LAMA1: variants seen among roughly 807,000 people sequenced by gnomAD.
LAMA1 encodes laminin subunit alpha-1.
A neutral mutation model predicts 348.7 loss-of-function variants in LAMA1; 219 were observed. The ratio of observed to expected loss-of-function variants is 0.63; its 90% CI spans 0.56 to 0.70. The LOEUF is 0.70. LAMA1 is among the 30% of genes least tolerant of loss of function. The pLI is 0.00. For missense variants in LAMA1, 3,744 were observed against 3,888.0 expected (o/e 0.96, Z 0.99); for synonymous variants, 1,487 against 1,491.0 (o/e 1.00, Z 0.06).
intron 1 of LAMA1, among the ~76,000 whole-genome samples, chr18:7,097,269 A>AC (rs932988860): frequency 6.2e-5 from 3 of 48,048 alleles, no homozygotes; most frequent in African/African-American, 2.1e-4. Context: ...AAATACTTGA[A>AC]CAAAAAAAAT....
At chr18:6,953,556 C>T (rs561604395) in intron 57 of LAMA1, among the ~76,000 whole-genome samples, 21 of 152,292 alleles carry the variant, frequency 1.4e-4, no homozygotes, top group Non-Finnish European at 2.4e-4. Context: ...AACTACTCTA[C>T]AGGCACAGAC....
At chr18:7,067,146 A>G (rs2058126021) in intron 3 of LAMA1, among the ~76,000 whole-genome samples, 2 of 152,218 alleles carry the variant, frequency 1.3e-5, no homozygotes, top group African/African-American at 4.8e-5. Flanking sequence ...GACACAGGAT[A>G]TAAACAATGG....
chr18:7,083,869 G>C (rs532320328), intron 1 of LAMA1, among the ~76,000 whole-genome samples: 2 of 151,894 alleles, frequency 1.3e-5, no homozygotes, highest in Admixed American at 6.6e-5. Context: ...TCAGGAGTTC[G>C]AGACCAGCCT....
At chr18:6,993,546 C>T in intron 35 of LAMA1, 95 bp downstream of exon 35, 1 of 957,038 alleles carries the variant, frequency 1.0e-6, no homozygotes, top group Non-Finnish European at 1.7e-6. Context: ...AAACCCGATG[C>T]AAGAGATATA....
chr18:6,951,044 C>T (rs1442665344), intron 57 of LAMA1, 73 bp from the exon 58 acceptor site: 2 of 1,356,714 alleles, frequency 1.5e-6, no homozygotes, highest in Non-Finnish European at 2.0e-6. Context: ...AAAAGAGGAC[C>T]CAACAATTGT....
intron 1 of LAMA1, among the ~76,000 whole-genome samples, chr18:7,085,017 G>T (rs1482545140): frequency 1.3e-5 from 2 of 151,436 alleles, no homozygotes; most frequent in Non-Finnish European, 2.9e-5. Flanking sequence ...GAAGTATGAG[G>T]TTTTTTTTCC....
At chr18:7,035,910 C>T (rs2057992234) in intron 13 of LAMA1, 77 bp downstream of exon 13, 6 of 1,238,144 alleles carry the variant, frequency 4.8e-6, no homozygotes, top group Non-Finnish European at 7.1e-6. Flanking sequence ...GATGTCCTCA[C>T]CTAGTAACTT....
chr18:6,975,902 G>T (rs770504068), intron 45 of LAMA1, 35 bp downstream of exon 45: 3 of 1,613,164 alleles, frequency 1.9e-6, no homozygotes, highest in African/African-American at 2.7e-5. Context: ...GTGCATAAAA[G>T]ATTCAGTGTC....
chr18:7,060,681 A>C (rs981746872), intron 3 of LAMA1, among the ~76,000 whole-genome samples: 1 of 152,156 alleles, frequency 6.6e-6, no homozygotes, highest in African/African-American at 2.4e-5. Context: ...TTTAAAACGT[A>C]AATAGTAACC....
At chr18:7,107,783 G>A (rs1401113593) in intron 1 of LAMA1, among the ~76,000 whole-genome samples, 12 of 152,188 alleles carry the variant, frequency 7.9e-5, no homozygotes, top group African/African-American at 2.6e-4. Context: ...GGGAGGCTGA[G>A]GCGGGCAGAT....
intron 47 of LAMA1, 39 bp downstream of exon 47, chr18:6,973,014 ATCAG>A (rs1210916734): frequency 4.3e-6 from 7 of 1,610,922 alleles, no homozygotes; most frequent in African/African-American, 1.3e-5. Context: ...TATAGGTAAA[ATCAG>A]TCAATCAGTC....
intron 57 of LAMA1, 187 bp downstream of exon 57, chr18:6,955,166 G>A: frequency 1.6e-6 from 1 of 628,762 alleles, no homozygotes; most frequent in Non-Finnish European, 2.9e-6. Context: ...AGACTCCCCA[G>A]TGAACCACCA....
intron 1 of LAMA1, among the ~76,000 whole-genome samples, chr18:7,093,343 G>A (rs1297643843): frequency 2.0e-5 from 3 of 152,260 alleles, no homozygotes; most frequent in East Asian, 3.9e-4. Flanking sequence ...ATGAACCCGG[G>A]AGGTGGAGCT....
At chr18:7,069,520 T>C (rs2058137413) in intron 3 of LAMA1, among the ~76,000 whole-genome samples, 1 of 152,138 alleles carries the variant, frequency 6.6e-6, no homozygotes, top group East Asian at 1.9e-4. Flanking sequence ...TTTCCCAAGT[T>C]GAATCTCTGC....
chr18:6,944,422 G>C (rs1220038430), intron 61 of LAMA1, among the ~76,000 whole-genome samples: 1 of 152,200 alleles, frequency 6.6e-6, no homozygotes, highest in Non-Finnish European at 1.5e-5. Context: ...CTTTGCAAAG[G>C]ATAGGAGGTG....
chr18:7,008,396 T>A, intron 28 of LAMA1, 92 bp downstream of exon 28: 1 of 1,416,858 alleles, frequency 7.1e-7, no homozygotes, highest in Non-Finnish European at 9.8e-7. Flanking sequence ...ATATAGTAGA[T>A]ACACATAAGT....
At chr18:7,004,183 T>C (rs1245740739) in intron 29 of LAMA1, among the ~76,000 whole-genome samples, 1 of 152,090 alleles carries the variant, frequency 6.6e-6, no homozygotes, top group African/African-American at 2.4e-5. Flanking sequence ...GCTGAATTAG[T>C]TGCTATGGGA....
rs749542837 is a variant in LAMA1, at chr18:6,958,551, C to G, written c.7890G>C (p.Glu2630Asp). The G allele has an allele frequency of 6.2e-7, 1 of 1,614,184 alleles. No individual in the cohort carries two copies. The highest frequency in any genetic ancestry group is 1.1e-5 in the South Asian group (1 of 91,082). The change falls in exon 55 of 63, where the codon GAG becomes GAC. Residue 2630 changes from glutamate to aspartate, a missense_variant. Physicochemically the swap from Glu to Asp is conservative, Grantham distance 45. Transcript: ENST00000389658. ...VSNLYVGGIP[E>D]GEGTSLLTMR... Reference sequence around the variant, plus strand: ...TTGTGAGCAGTGACGTCCCCTCTCCCTCTGGAATTCCCCCGACGTACAGAT... The same window carrying G: ...TTGTGAGCAGTGACGTCCCCTCTCCGTCTGGAATTCCCCCGACGTACAGAT...
intron 58 of LAMA1, among the ~76,000 whole-genome samples, 157 bp downstream of exon 58, chr18:6,950,625 C>T (rs2057542177): frequency 6.6e-6 from 1 of 152,130 alleles, no homozygotes; most frequent in African/African-American, 2.4e-5. Flanking sequence ...AGAAAAGATC[C>T]CTGCCTTCAA....
Sources: gnomAD v4.1 joint callset for allele counts (sites outside exome capture counted in the v4.1 genomes callset) on GRCh38, gnomAD v4.1.1 for gene constraint, MANE v1.5 for transcripts, NCBI Gene and HGNC (gene_info 2026-07-23, HGNC 2026-07-21) for gene names.